The following PPP2CB variants were observed in gnomAD, a reference collection of about 807,000 sequenced individuals.
The protein encoded by PPP2CB is protein phosphatase 2 catalytic subunit beta, also known as serine/threonine-protein phosphatase 2A catalytic subunit beta isoform.
PPP2CB carries 18 observed loss-of-function variants against 39.1 expected under a neutral mutation model. The ratio of observed to expected loss-of-function variants is 0.46; its 90% CI spans 0.32 to 0.68. The LOEUF (loss-of-function observed/expected upper bound fraction) is 0.68, where lower values mean the gene tolerates loss of function less well. Among genes scored for constraint, PPP2CB ranks in the 30% least tolerant of loss-of-function variants. PPP2CB has a pLI of 0.04. For missense variants in PPP2CB, 226 were observed against 396.9 expected, an observed-to-expected ratio of 0.57 and a Z score of 3.66; for synonymous variants, 129 against 133.8, an observed-to-expected ratio of 0.96 and a Z score of 0.25.
intron 1 of PPP2CB, among the ~76,000 whole-genome samples, chr8:30,801,726 A>T (rs562438263): frequency 1.3e-5 from 2 of 152,222 alleles, no homozygotes; most frequent in African/African-American, 4.8e-5. Flanking sequence ...CATTTTTGTC[A>T]ACAGACTTTA....
Position 30,794,516 on chromosome 8 carries a change from G to A in PPP2CB, c.487-235C>T. 3 of 425,150 alleles carry A rather than the reference G, an allele frequency of 7.1e-6. 1 individual carries two copies. The highest frequency in any genetic ancestry group is 8.4e-5 in the East Asian group (2 of 23,938). The allele number at this position is 425,150 out of a possible 1,614,324, so 26.3% of individuals were successfully genotyped here. A position where few individuals can be genotyped will look rare whatever the true frequency, so the allele number is the denominator to read the frequency against. ...TCCCTCCCTCCCTTCCTTTTCTCTGGTCAATGGTATCCCCATCCTTGGTAC... is the reference window on the plus strand; with the variant it reads ...TCCCTCCCTCCCTTCCTTTTCTCTGATCAATGGTATCCCCATCCTTGGTAC... On this transcript the variant is annotated intron_variant, in intron 3 of 6. Coordinates refer to ENST00000221138, the MANE Select transcript of PPP2CB (RefSeq NM_001009552.2).
intron 1 of PPP2CB, among the ~76,000 whole-genome samples, chr8:30,809,037 C>T (rs1174728089): frequency 6.6e-6 from 1 of 150,702 alleles, no homozygotes; most frequent in South Asian, 2.1e-4. Context: ...TGTGTCTCAG[C>T]CTCCCAAGTA....
intron 1 of PPP2CB, among the ~76,000 whole-genome samples, chr8:30,805,619 T>TC (rs1806710123): frequency 6.6e-6 from 1 of 152,114 alleles, no homozygotes; most frequent in Non-Finnish European, 1.5e-5. Context: ...ACACACCGTA[T>TC]CCTGCATATT....
chr8:30,800,028 A>G (rs1380427216), intron 1 of PPP2CB, among the ~76,000 whole-genome samples: 1 of 152,218 alleles, frequency 6.6e-6, no homozygotes. Context: ...AGTTCCTCCA[A>G]AGTTAAACCT....
At chr8:30,788,870 G>A (rs1806385189) in intron 6 of PPP2CB, among the ~76,000 whole-genome samples, 1 of 152,090 alleles carries the variant, frequency 6.6e-6, no homozygotes, top group Non-Finnish European at 1.5e-5. Context: ...TATAATCTGT[G>A]GTTGAAAAAT....
At chr8:30,787,270 C>T (rs1806359431) in intron 6 of PPP2CB, among the ~76,000 whole-genome samples, 1 of 152,182 alleles carries the variant, frequency 6.6e-6, no homozygotes, top group Admixed American at 6.5e-5. Context: ...GATAATAGTG[C>T]AGGTGTGACA....
intron 6 of PPP2CB, 39 bp from the exon 7 acceptor site, chr8:30,786,346 C>T: frequency 2.0e-6 from 3 of 1,483,530 alleles, no homozygotes; most frequent in East Asian, 2.4e-5. Context: ...AAGGATCTGA[C>T]TTTGCAAAGA....
chr8:30,807,125 C>A lies in PPP2CB; in HGVS notation c.102+5195G>T, dbSNP rs552074580. ...GACCCTCTATTTCACTGTAATCATG[C>A]CATTCTTCATTATACTAAGAAAGGA... On this transcript the variant is annotated intron_variant, in intron 1 of 6. Coordinates refer to ENST00000221138, the MANE Select transcript of PPP2CB (RefSeq NM_001009552.2). Among the ~76,000 whole-genome samples the A allele has an allele frequency of 1.7e-4, 26 of 152,216 alleles. No homozygotes were observed. In the East Asian group the frequency reaches 4.8e-3, roughly 28 times the overall value.
chr8:30,794,435 A>G, intron 3 of PPP2CB, 154 bp from the exon 4 acceptor site: 2 of 628,472 alleles, frequency 3.2e-6, no homozygotes, highest in East Asian at 5.7e-5. Context: ...TTCTCTGGTC[A>G]ATGGTATCCC....
intron 3 of PPP2CB, among the ~76,000 whole-genome samples, chr8:30,794,908 A>G (rs1806494467): frequency 6.6e-6 from 1 of 152,210 alleles, no homozygotes; most frequent in Non-Finnish European, 1.5e-5. Context: ...GTCATTTGCA[A>G]AACTATTTTT....
chr8:30,804,483 G>A (rs1464005678), intron 1 of PPP2CB, among the ~76,000 whole-genome samples: 1 of 152,206 alleles, frequency 6.6e-6, no homozygotes, highest in Non-Finnish European at 1.5e-5. Context: ...CACTACAGAT[G>A]TCAGCCCCTC....
At chr8:30,802,436 T>C (rs1309267435) in intron 1 of PPP2CB, among the ~76,000 whole-genome samples, 1 of 152,008 alleles carries the variant, frequency 6.6e-6, no homozygotes, top group Non-Finnish European at 1.5e-5. Flanking sequence ...GGGACAGGAA[T>C]GGTGGGTAGA....
At chr8:30,803,751 A>C (rs1164412958) in intron 1 of PPP2CB, among the ~76,000 whole-genome samples, 1 of 148,584 alleles carries the variant, frequency 6.7e-6, no homozygotes, top group Non-Finnish European at 1.5e-5. Flanking sequence ...AGTAGAAAAT[A>C]AGACCTTAAA....
At chr8:30,793,680 A>G in intron 5 of PPP2CB, 1 of 394,994 alleles carries the variant, frequency 2.5e-6, no homozygotes, top group Non-Finnish European at 4.5e-6. Flanking sequence ...AATGAAGCAT[A>G]CAGGGAATTA....
At chr8:30,807,218 G>C (rs927291147) in intron 1 of PPP2CB, among the ~76,000 whole-genome samples, 1 of 152,066 alleles carries the variant, frequency 6.6e-6, no homozygotes, top group African/African-American at 2.4e-5. Flanking sequence ...TTTTGTTCGA[G>C]GGAAATTAAA....
intron 1 of PPP2CB, 85 bp downstream of exon 1, chr8:30,812,235 A>C (rs1806847416): frequency 2.0e-6 from 2 of 1,018,726 alleles, no homozygotes; most frequent in Non-Finnish European, 1.3e-6. Flanking sequence ...GCGCCGGGCC[A>C]GGGGCGGACG....
intron 2 of PPP2CB, 29 bp downstream of exon 2, chr8:30,799,516 GA>G (rs763356291): frequency 1.8e-5 from 28 of 1,558,836 alleles, no homozygotes; most frequent in East Asian, 2.3e-5. Context: ...TTTAAATCTT[GA>G]AAAAAAAATT....
intron 3 of PPP2CB, among the ~76,000 whole-genome samples, chr8:30,797,203 A>G (rs553292473): frequency 6.6e-6 from 1 of 152,200 alleles, no homozygotes; most frequent in Non-Finnish European, 1.5e-5. Flanking sequence ...AATAGAAATG[A>G]AAAGTTATTC....
At chr8:30,799,208 G>C (rs1424196650) in intron 2 of PPP2CB, among the ~76,000 whole-genome samples, 1 of 152,166 alleles carries the variant, frequency 6.6e-6, no homozygotes, top group Non-Finnish European at 1.5e-5. Flanking sequence ...GAATTGTGAA[G>C]TGATAAACTG....
Sources: allele counts gnomAD v4.1 joint callset (sites outside exome capture counted in the v4.1 genomes callset), GRCh38; gene constraint gnomAD v4.1.1; transcripts MANE v1.5; gene names NCBI Gene and HGNC (gene_info 2026-07-23, HGNC 2026-07-21).